The following PDE1C variants were observed in gnomAD, a reference collection of about 807,000 sequenced individuals.
PDE1C encodes the protein phosphodiesterase 1C, also known as dual specificity calcium/calmodulin-dependent 3',5'-cyclic nucleotide phosphodiesterase 1C.
In PDE1C, 62 loss-of-function variants were observed where a neutral mutation model predicts 93.1. The ratio of observed to expected loss-of-function variants is 0.67; its 90% confidence interval spans 0.54 to 0.82. PDE1C has a LOEUF of 0.82. Among genes scored for constraint, PDE1C ranks in the 40% least tolerant of loss-of-function variants. The pLI is 0.00. For synonymous variants in PDE1C, 325 were observed against 310.1 expected (o/e 1.05, Z -0.50); for missense variants, 742 against 884.6 (o/e 0.84, Z 2.04).
At chr7:32,184,109 C>T (rs1361202740) in intron 2 of PDE1C, among the ~76,000 whole-genome samples, 1 of 152,312 alleles carries the variant, frequency 6.6e-6, no homozygotes, top group African/African-American at 2.4e-5. Flanking sequence ...TACCATCTCA[C>T]ACCAGTTAGA....
At chr7:31,949,893 T>G (rs1228689549) in intron 2 of PDE1C, among the ~76,000 whole-genome samples, 1 of 152,216 alleles carries the variant, frequency 6.6e-6, no homozygotes, top group Non-Finnish European at 1.5e-5. Flanking sequence ...GTTGCTAGTT[T>G]ACTTTCTTCG....
At chr7:32,377,254 A>G (rs1359794282) in intron 1 of PDE1C, among the ~76,000 whole-genome samples, 1 of 152,156 alleles carries the variant, frequency 6.6e-6, no homozygotes, top group South Asian at 2.1e-4. Flanking sequence ...GAGTTCAGGA[A>G]ACCTGATTAT....
intron 2 of PDE1C, among the ~76,000 whole-genome samples, chr7:32,021,886 C>A (rs1040595883): frequency 2.0e-5 from 3 of 152,042 alleles, no homozygotes; most frequent in Admixed American, 1.3e-4. Flanking sequence ...AAAATAGTTG[C>A]CTTTCACTTA....
At chr7:32,344,867 C>G (rs912252954) in intron 1 of PDE1C, among the ~76,000 whole-genome samples, 7 of 152,082 alleles carry the variant, frequency 4.6e-5, no homozygotes, top group African/African-American at 9.7e-5. Context: ...AATAGGGGCT[C>G]AATAAATATT....
chr7:31,811,180 G>T (rs1048152243), intron 15 of PDE1C, among the ~76,000 whole-genome samples: 5 of 152,052 alleles, frequency 3.3e-5, no homozygotes, highest in African/African-American at 1.2e-4. Context: ...AGGTCTGGTG[G>T]CTTCATAAGG....
intron 1 of PDE1C, among the ~76,000 whole-genome samples, chr7:32,310,785 C>T (rs1202060755): frequency 6.6e-6 from 1 of 151,390 alleles, no homozygotes; most frequent in African/African-American, 2.4e-5. Context: ...CACTAAATGC[C>T]CACAAGAGAA....
chr7:31,897,864 A>G (rs192056510), intron 2 of PDE1C, among the ~76,000 whole-genome samples: 8 of 152,212 alleles, frequency 5.3e-5, no homozygotes, highest in Admixed American at 4.6e-4. Context: ...TTTTTTAAAT[A>G]TATATATTTT....
chr7:31,678,354 T>C, the PDE1C span, among the ~76,000 whole-genome samples: 1 of 152,258 alleles, frequency 6.6e-6, no homozygotes, highest in Middle Eastern at 3.4e-3. Context: ...ATAAAATCAA[T>C]GTACTGTTAG....
chr7:32,042,015 C>T (rs1373456732), intron 2 of PDE1C, among the ~76,000 whole-genome samples: 2 of 152,238 alleles, frequency 1.3e-5, no homozygotes, highest in East Asian at 3.9e-4. Flanking sequence ...ATCTATAAAG[C>T]CAGGCTGAGC....
chr7:31,969,234 C>A (rs59744633), intron 2 of PDE1C, among the ~76,000 whole-genome samples: 5,895 of 152,126 alleles, frequency 0.039, 398 homozygotes, highest in African/African-American at 0.14. Context: ...ATGTTTGCAA[C>A]CTACTCATCT....
chr7:32,182,998 C>T (rs900208776), intron 2 of PDE1C, among the ~76,000 whole-genome samples: 1 of 152,130 alleles, frequency 6.6e-6, no homozygotes, highest in Non-Finnish European at 1.5e-5. Flanking sequence ...CATTCTTATA[C>T]ACCAATAACA....
At chr7:31,674,231 G>A in the PDE1C span, among the ~76,000 whole-genome samples, 1 of 152,012 alleles carries the variant, frequency 6.6e-6, no homozygotes, top group East Asian at 1.9e-4. Flanking sequence ...TTTGTCTGTT[G>A]TCATCTACAA....
intron 2 of PDE1C, among the ~76,000 whole-genome samples, chr7:31,908,724 A>G (rs1425128353): frequency 6.6e-6 from 1 of 152,162 alleles, no homozygotes; most frequent in Admixed American, 6.5e-5. Context: ...AAGTGATGGC[A>G]CTCGACTCAA....
At chr7:32,312,078 T>G (rs1006808615) in intron 1 of PDE1C, among the ~76,000 whole-genome samples, 1 of 151,252 alleles carries the variant, frequency 6.6e-6, no homozygotes, top group African/African-American at 2.4e-5. Flanking sequence ...AAAATCAATG[T>G]ACAAAAATCA....
rs147860129 is a variant in PDE1C, at chr7:31,999,312, G to A, written c.128+52242C>T. On this transcript the variant is annotated intron_variant, in intron 2 of 17. Coordinates refer to ENST00000396191, the MANE Select transcript of PDE1C (RefSeq NM_001191057.4). ...TGCAGATACATTAATATGCAAATGT[G>A]CTTTTCATAAGAACATATCACAGGT... 4.6e-5 allele frequency among the ~76,000 whole-genome samples: 7 copies of A among 152,280 alleles called. No individual in the cohort carries two copies. In the East Asian group the frequency reaches 9.7e-4, roughly 21 times the overall value.
the PDE1C span, among the ~76,000 whole-genome samples, chr7:31,640,758 A>T: frequency 2.2e-3 from 338 of 152,170 alleles, no homozygotes; most frequent in Non-Finnish European, 3.5e-3. Context: ...TAGATCTATG[A>T]CTTGCAAATA....
At chr7:32,117,293 T>C (rs978137048) in intron 3 of PDE1C, among the ~76,000 whole-genome samples, 1 of 152,184 alleles carries the variant, frequency 6.6e-6, no homozygotes, top group African/African-American at 2.4e-5. Flanking sequence ...GCTCCACTAA[T>C]AATAATAACA....
intron 2 of PDE1C, among the ~76,000 whole-genome samples, chr7:31,974,461 G>A (rs2129052319): frequency 6.6e-6 from 1 of 152,144 alleles, no homozygotes; most frequent in East Asian, 1.9e-4. Flanking sequence ...GTGGTTTCCT[G>A]TGAACTAAGA....
intron 2 of PDE1C, among the ~76,000 whole-genome samples, chr7:31,882,509 C>T (rs1171342299): frequency 2.6e-5 from 4 of 152,186 alleles, no homozygotes; most frequent in African/African-American, 9.6e-5. Context: ...TTCTGATTCT[C>T]ACCTCAAGGT....
Sources: gnomAD v4.1 joint callset for allele counts (sites outside exome capture counted in the v4.1 genomes callset) on GRCh38, gnomAD v4.1.1 for gene constraint, MANE v1.5 for transcripts, NCBI Gene and HGNC (gene_info 2026-07-23, HGNC 2026-07-21) for gene names.